Variants in MAGI2 observed in about 807,000 individuals in gnomAD.
MAGI2 encodes the protein membrane associated guanylate kinase, WW and PDZ domain containing 2, also known as membrane-associated guanylate kinase, WW and PDZ domain-containing protein 2.
In MAGI2, 35 loss-of-function variants were observed where a neutral mutation model predicts 133.3. The ratio of observed to expected loss-of-function variants is 0.26; its 90% CI spans 0.20 to 0.35. The LOEUF (loss-of-function observed/expected upper bound fraction) is 0.35. Among genes scored for constraint, MAGI2 ranks in the 10% least tolerant of loss-of-function variants. The pLI is 1.00. For missense variants in MAGI2, 1,636 were observed against 1,863.4 expected (o/e 0.88, Z 2.25); for synonymous variants, 729 against 710.6 (o/e 1.03, Z -0.41).
intron 14 of MAGI2, chr7:78,170,405 G>T (rs1393511895): frequency 2.6e-5 from 4 of 152,132 alleles, no homozygotes; most frequent in African/African-American, 9.7e-5. Context: ...CCCAGTAAAA[G>T]ATCTGCTTTT....
At chr7:78,363,106 A>G (rs922190776) in intron 7 of MAGI2, among the ~76,000 whole-genome samples, 11 of 152,226 alleles carry the variant, frequency 7.2e-5, no homozygotes, top group Non-Finnish European at 1.3e-4. Context: ...GAGATGATAC[A>G]TATTCTAGAT....
chr7:79,261,164 A>G (rs1423145963), intron 1 of MAGI2, among the ~76,000 whole-genome samples: 1 of 152,216 alleles, frequency 6.6e-6, no homozygotes, highest in Non-Finnish European at 1.5e-5. Context: ...TCAACAACCA[A>G]ATGGAGCCCA....
At chr7:78,238,204 C>T (rs1340259430) in intron 10 of MAGI2, among the ~76,000 whole-genome samples, 1 of 152,090 alleles carries the variant, frequency 6.6e-6, no homozygotes, top group Non-Finnish European at 1.5e-5. Flanking sequence ...GCACTCATTT[C>T]CTAGATGTTC....
intron 21 of MAGI2, among the ~76,000 whole-genome samples, chr7:78,027,041 G>A (rs949238638): frequency 1.3e-5 from 2 of 152,170 alleles, no homozygotes; most frequent in African/African-American, 4.8e-5. Flanking sequence ...TAAGGAACTT[G>A]TTCAAGGCCA....
At chr7:78,340,265 A>C (rs1790222564) in intron 9 of MAGI2, among the ~76,000 whole-genome samples, 1 of 139,898 alleles carries the variant, frequency 7.1e-6, no homozygotes, top group Non-Finnish European at 1.6e-5. Flanking sequence ...ATTCTAAGGA[A>C]TTTAAAAATT....
At chr7:79,334,330 TA>T (rs1213933565) in intron 1 of MAGI2, among the ~76,000 whole-genome samples, 3 of 152,190 alleles carry the variant, frequency 2.0e-5, no homozygotes, top group African/African-American at 2.4e-5. Context: ...AAGAATCTAA[TA>T]AAAAATGGTT....
intron 2 of MAGI2, among the ~76,000 whole-genome samples, chr7:78,909,995 T>C (rs1173815972): frequency 2.0e-5 from 3 of 152,126 alleles, no homozygotes; most frequent in Non-Finnish European, 2.9e-5. Context: ...GGGACATGGA[T>C]GAAGCTGGAA....
At chr7:78,988,701 G>A (rs532316538) in intron 2 of MAGI2, among the ~76,000 whole-genome samples, 9 of 152,120 alleles carry the variant, frequency 5.9e-5, no homozygotes, top group East Asian at 1.9e-4. Flanking sequence ...TTTATTCACC[G>A]TGAACCTCTA....
At chr7:79,411,928 A>G (rs192740595) in intron 1 of MAGI2, 90 of 152,136 alleles carry the variant, frequency 5.9e-4, no homozygotes, top group African/African-American at 2.0e-3. Flanking sequence ...ATTGAATACT[A>G]TATATTCAAT....
chr7:78,304,085 T>G (rs2151079984), intron 9 of MAGI2, among the ~76,000 whole-genome samples: 1 of 152,310 alleles, frequency 6.6e-6, no homozygotes, highest in East Asian at 1.9e-4. Flanking sequence ...ATCCATCTAT[T>G]CCATTAGCAA....
chr7:79,361,163 CTT>C (rs1842354117), intron 1 of MAGI2, among the ~76,000 whole-genome samples: 1 of 152,142 alleles, frequency 6.6e-6, no homozygotes, highest in Non-Finnish European at 1.5e-5. Flanking sequence ...ACTAGGAAGA[CTT>C]AATGATTTTA....
At chr7:78,514,910 G>A (rs78559238) in intron 4 of MAGI2, among the ~76,000 whole-genome samples, 3,537 of 152,260 alleles carry the variant, frequency 0.023, 77 homozygotes, top group East Asian at 0.069. Flanking sequence ...TTGCAGGCTT[G>A]GGGGCCTGGA....
intron 6 of MAGI2, among the ~76,000 whole-genome samples, chr7:78,483,506 A>G (rs1311114430): frequency 6.6e-6 from 1 of 151,918 alleles, no homozygotes; most frequent in East Asian, 1.9e-4. Flanking sequence ...TGGTCTGGAC[A>G]TCAACCAATC....
intron 1 of MAGI2, among the ~76,000 whole-genome samples, chr7:79,158,436 T>C (rs935610106): frequency 6.6e-6 from 1 of 152,112 alleles, no homozygotes; most frequent in African/African-American, 2.4e-5. Context: ...TAATTGGCTT[T>C]AAAGTTATTG....
At chr7:79,346,146 T>C (rs10276665) in intron 1 of MAGI2, among the ~76,000 whole-genome samples, 131,624 of 151,976 alleles carry the variant, frequency 0.87, 57,141 homozygotes, top group East Asian at 0.96. Context: ...TGTAAGGTTG[T>C]CATTCGGGCC....
At chr7:78,175,127 G>T (rs192877452) in intron 14 of MAGI2, among the ~76,000 whole-genome samples, 199 of 152,224 alleles carry the variant, frequency 1.3e-3, no homozygotes, top group African/African-American at 4.5e-3. Flanking sequence ...GTGAATTATT[G>T]GACCTGAGGA....
At chr7:78,913,160 T>G (rs1006157392) in intron 2 of MAGI2, among the ~76,000 whole-genome samples, 1 of 152,186 alleles carries the variant, frequency 6.6e-6, no homozygotes, top group East Asian at 1.9e-4. Flanking sequence ...AGAAAATTGA[T>G]ATGGTTTGGC....
At chr7:78,159,609 A>AT (rs1400180183) in intron 16 of MAGI2, among the ~76,000 whole-genome samples, 1 of 151,882 alleles carries the variant, frequency 6.6e-6, no homozygotes, top group Non-Finnish European at 1.5e-5. Context: ...GCCTGGACTG[A>AT]TTTTTTTCTG....
chr7:78,928,062 C>G (rs1186009327), intron 2 of MAGI2, among the ~76,000 whole-genome samples: 1 of 151,788 alleles, frequency 6.6e-6, no homozygotes, highest in Non-Finnish European at 1.5e-5. Context: ...TTATGCTTCC[C>G]CTTTTCCTTC....
Sources: gnomAD v4.1 joint callset for allele counts (sites outside exome capture counted in the v4.1 genomes callset) on GRCh38, gnomAD v4.1.1 for gene constraint, MANE v1.5 for transcripts, NCBI Gene and HGNC (gene_info 2026-07-23, HGNC 2026-07-21) for gene names.